ZNF385B: variants seen among roughly 807,000 people sequenced by gnomAD.
The protein encoded by ZNF385B is zinc finger protein 385B, also known as zinc finger protein 533.
ZNF385B carries 23 observed loss-of-function variants against 39.2 expected under a neutral mutation model. The observed-to-expected ratio is 0.59, with a 90% CI of 0.42 to 0.83. The LOEUF is 0.83. ZNF385B is among the 40% of genes least tolerant of loss of function. ZNF385B has a pLI of 0.00. For missense variants in ZNF385B, 552 were observed against 598.9 expected, an observed-to-expected ratio of 0.92 and a Z score of 0.82; for synonymous variants, 205 against 222.6, an observed-to-expected ratio of 0.92 and a Z score of 0.70.
At chr2:179,712,040 T>C (rs1049846620) in intron 3 of ZNF385B, among the ~76,000 whole-genome samples, 6 of 152,120 alleles carry the variant, frequency 3.9e-5, no homozygotes, top group African/African-American at 1.2e-4. Context: ...GCCATCCCTA[T>C]TGAAGTCAAT....
chr2:179,744,234 C>T (rs1367592900), intron 3 of ZNF385B, among the ~76,000 whole-genome samples: 1 of 151,568 alleles, frequency 6.6e-6, no homozygotes, highest in African/African-American at 2.4e-5. Context: ...AGAGAAATGA[C>T]AATGCATCTA....
intron 5 of ZNF385B, among the ~76,000 whole-genome samples, chr2:179,512,976 A>C (rs1360005517): frequency 6.6e-6 from 1 of 152,188 alleles, no homozygotes; most frequent in East Asian, 1.9e-4. Context: ...ACAGGAACTT[A>C]AACTAGGTCA....
intron 3 of ZNF385B, among the ~76,000 whole-genome samples, chr2:179,683,477 A>ATT (rs769818144): frequency 7.1e-6 from 1 of 141,202 alleles, no homozygotes; most frequent in African/African-American, 2.6e-5. Flanking sequence ...ACATTTTTGA[A>ATT]TTTTTTTTTT....
intron 3 of ZNF385B, among the ~76,000 whole-genome samples, chr2:179,596,978 G>T (rs1688050115): frequency 6.6e-6 from 1 of 152,130 alleles, no homozygotes; most frequent in African/African-American, 2.4e-5. Context: ...ATAACTGAAG[G>T]AGACAATTCC....
At chr2:179,670,497 A>AC (rs1553502041) in intron 3 of ZNF385B, among the ~76,000 whole-genome samples, 7 of 137,450 alleles carry the variant, frequency 5.1e-5, no homozygotes, top group African/African-American at 1.8e-4. Flanking sequence ...AAACAAACAA[A>AC]AAAAAATAGG....
chr2:179,639,249 A>AAAAAAAAAAGG (rs71029824), intron 3 of ZNF385B, among the ~76,000 whole-genome samples: 2 of 128,706 alleles, frequency 1.6e-5, no homozygotes, highest in African/African-American at 5.6e-5. Flanking sequence ...AAAAAAAAAA[A>AAAAAAAAAAGG]GGGGGAGAAA....
At chr2:179,492,363 CTA>C (rs1364807644) in intron 5 of ZNF385B, among the ~76,000 whole-genome samples, 1 of 152,174 alleles carries the variant, frequency 6.6e-6, no homozygotes, top group African/African-American at 2.4e-5. Flanking sequence ...AGCTGTGACT[CTA>C]TAGCTAACTG....
At chr2:179,458,308 C>T (rs1438013385) in intron 6 of ZNF385B, among the ~76,000 whole-genome samples, 6 of 152,186 alleles carry the variant, frequency 3.9e-5, no homozygotes, top group Non-Finnish European at 7.3e-5. Context: ...TTTCCCTGCA[C>T]AAGCTCTCTC....
chr2:179,511,845 GAT>G (rs1294716834), intron 5 of ZNF385B, among the ~76,000 whole-genome samples: 1 of 152,166 alleles, frequency 6.6e-6, no homozygotes, highest in East Asian at 1.9e-4. Flanking sequence ...TAAAATGAGA[GAT>G]AGGGATATTG....
At chr2:179,619,049 A>AG (rs1216258360) in intron 3 of ZNF385B, among the ~76,000 whole-genome samples, 3 of 152,226 alleles carry the variant, frequency 2.0e-5, no homozygotes, top group African/African-American at 7.2e-5. Flanking sequence ...TTTAAAAAAA[A>AG]GAATTAAATG....
At chr2:179,826,235 C>T (rs189419227) in intron 1 of ZNF385B, among the ~76,000 whole-genome samples, 11 of 152,200 alleles carry the variant, frequency 7.2e-5, no homozygotes, top group Admixed American at 2.6e-4. Context: ...AGAAACTTTT[C>T]GAAAGGTATC....
At chr2:179,469,304 A>G (rs2052473954) in intron 6 of ZNF385B, among the ~76,000 whole-genome samples, 1 of 152,224 alleles carries the variant, frequency 6.6e-6, no homozygotes, top group Non-Finnish European at 1.5e-5. Flanking sequence ...AAAAAATTAA[A>G]TCGCAAAAAA....
intron 5 of ZNF385B, among the ~76,000 whole-genome samples, chr2:179,506,715 TA>T (rs934348396): frequency 1.4e-4 from 22 of 152,114 alleles, no homozygotes; most frequent in African/African-American, 4.1e-4. Flanking sequence ...AACTTTAATT[TA>T]AAAAAAGTTT....
At chr2:179,451,237 A>T (rs1211919568) in intron 6 of ZNF385B, among the ~76,000 whole-genome samples, 2 of 147,550 alleles carry the variant, frequency 1.4e-5, no homozygotes, top group Non-Finnish European at 3.0e-5. Context: ...GTACCCTAAA[A>T]CTTAAAGTAT....
At chr2:179,592,395 CA>C (rs1687640805) in intron 3 of ZNF385B, among the ~76,000 whole-genome samples, 1 of 152,144 alleles carries the variant, frequency 6.6e-6, no homozygotes, top group Non-Finnish European at 1.5e-5. Flanking sequence ...CTAAAATACA[CA>C]ATTCAATCAT....
At chr2:179,527,821 G>C (rs931717258) in intron 4 of ZNF385B, among the ~76,000 whole-genome samples, 2 of 152,032 alleles carry the variant, frequency 1.3e-5, no homozygotes, top group Admixed American at 1.3e-4. Context: ...TGTTTTAGGA[G>C]CTTGACATAC....
chr2:179,612,226 C>T (rs1689348083), intron 3 of ZNF385B, among the ~76,000 whole-genome samples: 1 of 152,190 alleles, frequency 6.6e-6, no homozygotes, highest in African/African-American at 2.4e-5. Context: ...TCCTTGATGC[C>T]TTATTTAGTT....
intron 3 of ZNF385B, among the ~76,000 whole-genome samples, chr2:179,565,826 G>A (rs77861673): frequency 0.011 from 1,719 of 152,256 alleles, 30 homozygotes; most frequent in African/African-American, 0.039. Context: ...GATTTCCTCC[G>A]AAGCTGCAAT....
intron 3 of ZNF385B, among the ~76,000 whole-genome samples, chr2:179,585,373 T>C (rs777427351): frequency 2.6e-5 from 4 of 152,178 alleles, no homozygotes; most frequent in Non-Finnish European, 4.4e-5. Flanking sequence ...ATGGATTGTT[T>C]TTGCCTTTTA....
Sources: gnomAD v4.1 joint callset for allele counts (sites outside exome capture counted in the v4.1 genomes callset) on GRCh38, gnomAD v4.1.1 for gene constraint, MANE v1.5 for transcripts, NCBI Gene and HGNC (gene_info 2026-07-23, HGNC 2026-07-21) for gene names.